The following CHN1 variants were observed in gnomAD, a reference collection of about 807,000 sequenced individuals.
CHN1 encodes N-chimaerin.
Under a neutral mutation model 59.5 loss-of-function variants are expected in CHN1, and 37 were observed. The ratio of observed to expected loss-of-function variants is 0.62; its 90% confidence interval spans 0.48 to 0.82. CHN1 has a LOEUF of 0.82. Ranked by LOEUF, CHN1 falls within the 40% of genes least tolerant of loss-of-function variation. The pLI is 0.00. For synonymous variants in CHN1, 206 were observed against 200.4 expected (o/e 1.03, Z -0.24); for missense variants, 469 against 571.0 (o/e 0.82, Z 1.82).
At chr2:174,863,736 G>C (rs1687132928) in intron 6 of CHN1, among the ~76,000 whole-genome samples, 1 of 152,118 alleles carries the variant, frequency 6.6e-6, no homozygotes, top group Admixed American at 6.5e-5. Context: ...CTGAGCAACA[G>C]AATCACACAT....
intron 1 of CHN1, among the ~76,000 whole-genome samples, chr2:174,995,366 A>G (rs1691673769): frequency 6.6e-6 from 1 of 152,222 alleles, no homozygotes; most frequent in African/African-American, 2.4e-5. Flanking sequence ...ATGAAATCTT[A>G]CACTACACAG....
At chr2:174,804,541 A>G (rs1684825677) in intron 11 of CHN1, among the ~76,000 whole-genome samples, 2 of 152,208 alleles carry the variant, frequency 1.3e-5, no homozygotes, top group African/African-American at 2.4e-5. Context: ...TCCAGTAATT[A>G]TTAAAAACAT....
At chr2:174,991,103 T>C (rs1041101418) in intron 1 of CHN1, among the ~76,000 whole-genome samples, 17 of 152,228 alleles carry the variant, frequency 1.1e-4, no homozygotes, top group African/African-American at 3.1e-4. Context: ...CTTTTTGGTC[T>C]ACTACTTAGT....
intron 8 of CHN1, among the ~76,000 whole-genome samples, chr2:174,814,894 C>T (rs1022079814): frequency 1.3e-5 from 2 of 152,100 alleles, no homozygotes; most frequent in Non-Finnish European, 2.9e-5. Flanking sequence ...AATAAAAGGA[C>T]CCGAAGTAAG....
chr2:174,848,684 T>TA (rs1234142976), intron 6 of CHN1, among the ~76,000 whole-genome samples: 2 of 152,186 alleles, frequency 1.3e-5, no homozygotes, highest in Non-Finnish European at 2.9e-5. Flanking sequence ...TGCTAGACAT[T>TA]AAAAATAACA....
chr2:174,965,662 G>C (rs1165619815), intron 1 of CHN1, among the ~76,000 whole-genome samples: 3 of 152,044 alleles, frequency 2.0e-5, no homozygotes, highest in African/African-American at 4.8e-5. Flanking sequence ...ACATTTATTA[G>C]CAAGAAAAAA....
chr2:174,822,228 A>G (rs1188120302), intron 8 of CHN1, among the ~76,000 whole-genome samples: 1 of 152,258 alleles, frequency 6.6e-6, no homozygotes, highest in Non-Finnish European at 1.5e-5. Context: ...AGGACAAGAT[A>G]TAACATAAAA....
intron 7 of CHN1, among the ~76,000 whole-genome samples, chr2:174,838,376 A>G (rs946764193): frequency 2.0e-5 from 3 of 152,156 alleles, no homozygotes; most frequent in African/African-American, 7.2e-5. Context: ...TACAGGAATG[A>G]GCCACTGCGC....
intron 6 of CHN1, among the ~76,000 whole-genome samples, chr2:174,849,810 T>C (rs556760156): frequency 6.6e-6 from 1 of 152,246 alleles, no homozygotes; most frequent in East Asian, 1.9e-4. Context: ...GGCCTACAGT[T>C]TACTTCCCAA....
intron 5 of CHN1, among the ~76,000 whole-genome samples, chr2:174,903,437 A>G (rs1211568750): frequency 6.6e-6 from 1 of 152,228 alleles, no homozygotes; most frequent in African/African-American, 2.4e-5. Context: ...CAATATGCAC[A>G]TATGCCATAA....
intron 1 of CHN1, among the ~76,000 whole-genome samples, chr2:175,003,839 G>A (rs1191039606): frequency 6.6e-6 from 1 of 152,142 alleles, no homozygotes; most frequent in African/African-American, 2.4e-5. Context: ...CTGGGTCTAA[G>A]TTTAATTTAT....
intron 1 of CHN1, among the ~76,000 whole-genome samples, chr2:174,959,220 T>C (rs974865945): frequency 1.3e-5 from 2 of 152,232 alleles, no homozygotes; most frequent in Admixed American, 1.3e-4. Context: ...AGCTTAACTG[T>C]GTAACAGGTA....
At chr2:174,846,136 G>A (rs988519954) in intron 7 of CHN1, among the ~76,000 whole-genome samples, 3 of 152,108 alleles carry the variant, frequency 2.0e-5, no homozygotes, top group African/African-American at 7.2e-5. Flanking sequence ...ACCACCTCAC[G>A]TTGTTTAATC....
chr2:174,969,035 G>A (rs1280082694), intron 1 of CHN1, among the ~76,000 whole-genome samples: 1 of 152,126 alleles, frequency 6.6e-6, no homozygotes, highest in Non-Finnish European at 1.5e-5. Context: ...TGTTTTGAAT[G>A]TTATAAAATA....
In CHN1 at chr2:174,920,645, T is replaced by A. The variant is rs948484795; in HGVS notation, c.115-2080A>T. ...GATACTGTTTTCAGCAAACTTGATATAGTTACTCACAGCATAGAAAAACTT... is the reference window on the plus strand; with the variant it reads ...GATACTGTTTTCAGCAAACTTGATAAAGTTACTCACAGCATAGAAAAACTT... On this transcript the variant is annotated intron_variant, in intron 3 of 12. Transcript: ENST00000409900. Among the ~76,000 whole-genome samples, 6 of 152,294 alleles carry A rather than the reference T, an allele frequency of 3.9e-5. No homozygotes were observed. In the South Asian group the frequency reaches 1.2e-3, roughly 32 times the overall value.
chr2:174,831,851 A>G (rs1050834538), intron 7 of CHN1, among the ~76,000 whole-genome samples: 2 of 152,124 alleles, frequency 1.3e-5, no homozygotes, highest in Non-Finnish European at 2.9e-5. Flanking sequence ...AAAAATCAAC[A>G]CTTTGAAATA....
At chr2:174,988,796 T>G (rs1691438487) in intron 1 of CHN1, among the ~76,000 whole-genome samples, 1 of 152,192 alleles carries the variant, frequency 6.6e-6, no homozygotes, top group Non-Finnish European at 1.5e-5. Context: ...TTTTTATAAT[T>G]TGAAAGAAGG....
At chr2:174,820,063 A>G (rs1685431404) in intron 8 of CHN1, among the ~76,000 whole-genome samples, 1 of 152,000 alleles carries the variant, frequency 6.6e-6, no homozygotes, top group African/African-American at 2.4e-5. Context: ...CCAGTCTATC[A>G]ATCATTGTTG....
At chr2:174,883,001 T>G (rs1022242851) in intron 5 of CHN1, among the ~76,000 whole-genome samples, 6 of 152,224 alleles carry the variant, frequency 3.9e-5, no homozygotes, top group African/African-American at 1.4e-4. Flanking sequence ...AATTTTGGAT[T>G]ATGGAGAAAA....
Sources: allele counts gnomAD v4.1 joint callset (sites outside exome capture counted in the v4.1 genomes callset), GRCh38; gene constraint gnomAD v4.1.1; transcripts MANE v1.5; gene names NCBI Gene and HGNC (gene_info 2026-07-23, HGNC 2026-07-21).